Variants in ACTR3C observed in about 807,000 individuals in gnomAD.
ACTR3C encodes actin-related protein 3C.
A neutral mutation model predicts 26.3 loss-of-function variants in ACTR3C; 18 were observed. That is an observed-to-expected ratio of 0.68 (90% confidence interval 0.47 to 1.01). The LOEUF (loss-of-function observed/expected upper bound fraction) is 1.01, where lower values mean the gene tolerates loss of function less well. Among genes scored for constraint, ACTR3C ranks in the 50% least tolerant of loss-of-function variants. The pLI is 0.00. For synonymous variants in ACTR3C, 55 were observed against 94.5 expected, an observed-to-expected ratio of 0.58 and a Z score of 2.42; for missense variants, 184 against 250.7, an observed-to-expected ratio of 0.73 and a Z score of 1.80.
At chr7:150,218,025 G>C in the ACTR3C span, among the ~76,000 whole-genome samples, 1 of 151,426 alleles carries the variant, frequency 6.6e-6, no homozygotes, top group African/African-American at 2.4e-5. Flanking sequence ...ATTTTCCTAA[G>C]AGGCTGATGC....
chr7:149,925,878 AT>A, the ACTR3C span, among the ~76,000 whole-genome samples: 1 of 152,150 alleles, frequency 6.6e-6, no homozygotes, highest in Non-Finnish European at 1.5e-5. Flanking sequence ...CCTGACCAAT[AT>A]GGTGAAACCC....
chr7:149,984,206 T>C, the ACTR3C span, among the ~76,000 whole-genome samples: 1 of 152,022 alleles, frequency 6.6e-6, no homozygotes, highest in Non-Finnish European at 1.5e-5. Context: ...GATTCCTTTT[T>C]TTTTTTTCTT....
chr7:150,100,436 C>T, the ACTR3C span, among the ~76,000 whole-genome samples: 2 of 151,642 alleles, frequency 1.3e-5, no homozygotes, highest in East Asian at 3.8e-4. Flanking sequence ...TTTATTCCAG[C>T]ATCTTGATTT....
At chr7:150,165,771 C>T in the ACTR3C span, among the ~76,000 whole-genome samples, 3 of 150,730 alleles carry the variant, frequency 2.0e-5, no homozygotes, top group African/African-American at 7.5e-5. Flanking sequence ...TTCCTGCTCT[C>T]CCTCTACCTC....
the ACTR3C span, among the ~76,000 whole-genome samples, chr7:150,192,814 C>T: frequency 1.3e-5 from 2 of 152,184 alleles, no homozygotes; most frequent in African/African-American, 4.8e-5. Context: ...ATTTTATTGT[C>T]AGTTCCTCAC....
At chr7:149,936,557 G>A in the ACTR3C span, among the ~76,000 whole-genome samples, 1 of 152,186 alleles carries the variant, frequency 6.6e-6, no homozygotes, top group Non-Finnish European at 1.5e-5. Flanking sequence ...TGACTTTTCA[G>A]CACAATAAAA....
At chr7:150,154,823 C>T in the ACTR3C span, among the ~76,000 whole-genome samples, 1 of 152,050 alleles carries the variant, frequency 6.6e-6, no homozygotes, top group East Asian at 1.9e-4. Flanking sequence ...AGACACAATA[C>T]CCAGAAACAT....
At chr7:150,016,494 C>T in the ACTR3C span, among the ~76,000 whole-genome samples, 1 of 152,114 alleles carries the variant, frequency 6.6e-6, no homozygotes, top group Non-Finnish European at 1.5e-5. Context: ...ACCTCCTAGC[C>T]TGTTCCTCGA....
At chr7:150,179,878 C>A in the ACTR3C span, among the ~76,000 whole-genome samples, 1 of 151,506 alleles carries the variant, frequency 6.6e-6, no homozygotes, top group Non-Finnish European at 1.5e-5. Context: ...GTACAAAGAA[C>A]AGCATCTCTG....
the ACTR3C span, among the ~76,000 whole-genome samples, chr7:150,120,435 C>A: frequency 6.6e-6 from 1 of 152,102 alleles, no homozygotes; most frequent in East Asian, 1.9e-4. Flanking sequence ...TACACACTAC[C>A]ATCAGAGAAT....
the ACTR3C span, among the ~76,000 whole-genome samples, chr7:150,230,716 C>T: frequency 2.0e-5 from 3 of 152,210 alleles, no homozygotes; most frequent in East Asian, 5.8e-4. Context: ...AAACCAGTCC[C>T]TAGTGTCAAA....
intron 6 of ACTR3C, among the ~76,000 whole-genome samples, chr7:150,271,038 CA>C (rs1449460274): frequency 4.0e-5 from 6 of 150,290 alleles, no homozygotes; most frequent in African/African-American, 1.5e-4. Context: ...CCAGGACAAA[CA>C]GAAAGACTCT....
chr7:149,930,134 T>C, the ACTR3C span, among the ~76,000 whole-genome samples: 1 of 152,172 alleles, frequency 6.6e-6, no homozygotes, highest in South Asian at 2.1e-4. Flanking sequence ...TTAAAAGACA[T>C]GACATCCACC....
chr7:149,893,220 G>GTC, the ACTR3C span, among the ~76,000 whole-genome samples: 5 of 152,076 alleles, frequency 3.3e-5, no homozygotes, highest in Admixed American at 6.5e-5. Flanking sequence ...CTCCTCACTT[G>GTC]AGGGCTTCCT....
At chr7:149,980,590 CCATT>C in the ACTR3C span, among the ~76,000 whole-genome samples, 637 of 152,276 alleles carry the variant, frequency 4.2e-3, 3 homozygotes, top group African/African-American at 0.014. Context: ...CAGTAAATGT[CCATT>C]CATTCATTCA....
At chr7:150,208,824 C>A in the ACTR3C span, among the ~76,000 whole-genome samples, 5 of 152,132 alleles carry the variant, frequency 3.3e-5, no homozygotes, top group African/African-American at 1.2e-4. Context: ...GGCATTTGAT[C>A]AATTGAAATT....
intron 1 of ACTR3C, among the ~76,000 whole-genome samples, chr7:150,298,974 CTTTTT>C (rs550994860): frequency 9.6e-4 from 79 of 82,516 alleles, no homozygotes; most frequent in African/African-American, 4.0e-3. Flanking sequence ...GTAATGAAAA[CTTTTT>C]TTTTTTTTTT....
the ACTR3C span, among the ~76,000 whole-genome samples, chr7:149,902,435 G>A: frequency 6.7e-6 from 1 of 150,120 alleles, no homozygotes; most frequent in African/African-American, 2.4e-5. Flanking sequence ...ATATTTCATA[G>A]CCAAGTAGGA....
At chr7:150,131,374 AAAAGC>A in the ACTR3C span, among the ~76,000 whole-genome samples, 1 of 151,774 alleles carries the variant, frequency 6.6e-6, no homozygotes, top group African/African-American at 2.4e-5. Flanking sequence ...ATTAAAGCTT[AAAAGC>A]AAAGAAAGTA....
Sources: gnomAD v4.1 joint callset for allele counts (sites outside exome capture counted in the v4.1 genomes callset) on GRCh38, gnomAD v4.1.1 for gene constraint, MANE v1.5 for transcripts, NCBI Gene and HGNC (gene_info 2026-07-23, HGNC 2026-07-21) for gene names.